Variants in DPP6 observed in about 807,000 individuals in gnomAD.
DPP6 encodes the protein dipeptidyl peptidase like 6, also known as A-type potassium channel modulatory protein DPP6.
A neutral mutation model predicts 122.6 loss-of-function variants in DPP6; 69 were observed. The observed-to-expected ratio is 0.56, with a 90% CI of 0.46 to 0.69. DPP6 has a LOEUF of 0.69. DPP6 is among the 30% of genes least tolerant of loss of function. The pLI is 0.00. For missense variants in DPP6, 928 were observed against 1,116.9 expected (o/e 0.83, Z 2.41); for synonymous variants, 418 against 433.1 (o/e 0.97, Z 0.43).
chr7:154,876,126 G>A lies in DPP6; in HGVS notation c.2078+26G>A, dbSNP rs56134336. On this transcript the variant is annotated intron_variant, in intron 20 of 25. Coordinates refer to ENST00000377770, the MANE Select transcript of DPP6 (RefSeq NM_130797.4). ...GTGAGCACCCGCCCAGGAAGCAGGA[G>A]AGGCCGGGAGGGGACGGGGCTCCTC... The A allele has an allele frequency of 2.9e-3, 4,458 of 1,546,530 alleles. 124 individuals carry two copies. The African/African-American group carries it at 0.053, about 18-fold the overall frequency.
At chr7:153,763,121 C>T in the DPP6 span, among the ~76,000 whole-genome samples, 1 of 152,096 alleles carries the variant, frequency 6.6e-6, no homozygotes, top group Non-Finnish European at 1.5e-5. Flanking sequence ...AGATCCCGCC[C>T]TCACTTTCTC....
At chr7:154,227,805 A>G (rs551689433) in intron 1 of DPP6, among the ~76,000 whole-genome samples, 1 of 152,306 alleles carries the variant, frequency 6.6e-6, no homozygotes, top group African/African-American at 2.4e-5. Context: ...TCATGATCAG[A>G]GGGTGGAAAC....
chr7:154,541,242 C>T (rs1828699571), intron 4 of DPP6, among the ~76,000 whole-genome samples: 1 of 152,118 alleles, frequency 6.6e-6, no homozygotes, highest in Admixed American at 6.5e-5. Flanking sequence ...GCAATCCTCC[C>T]ACCTCAGCCT....
intron 1 of DPP6, among the ~76,000 whole-genome samples, chr7:154,141,529 T>C (rs144645968): frequency 0.014 from 2,063 of 152,292 alleles, 45 homozygotes; most frequent in African/African-American, 0.047. Context: ...ATCAATCAAT[T>C]AATCAGTTAA....
intron 1 of DPP6, among the ~76,000 whole-genome samples, chr7:154,314,309 T>A (rs1807239559): frequency 6.6e-6 from 1 of 152,220 alleles, no homozygotes; most frequent in South Asian, 2.1e-4. Context: ...CATGGAGATT[T>A]CAAACTATTG....
intron 1 of DPP6, among the ~76,000 whole-genome samples, chr7:154,434,129 C>A (rs1307182698): frequency 6.6e-6 from 1 of 152,146 alleles, no homozygotes; most frequent in Non-Finnish European, 1.5e-5. Context: ...TAAAATAAAA[C>A]ATTAACAGTC....
At chr7:154,168,220 G>A (rs913192957) in intron 1 of DPP6, among the ~76,000 whole-genome samples, 3 of 152,120 alleles carry the variant, frequency 2.0e-5, no homozygotes, top group Non-Finnish European at 2.9e-5. Flanking sequence ...CCAGACAGAC[G>A]AGAGGGAAAA....
intron 1 of DPP6, among the ~76,000 whole-genome samples, chr7:154,141,651 A>G (rs537678928): frequency 3.5e-4 from 54 of 152,350 alleles, no homozygotes; most frequent in Non-Finnish European, 6.5e-4. Context: ...TTTAAACTTG[A>G]AGGGCAGAGG....
At chr7:154,389,021 G>T (rs1814372652) in intron 1 of DPP6, among the ~76,000 whole-genome samples, 1 of 152,168 alleles carries the variant, frequency 6.6e-6, no homozygotes, top group African/African-American at 2.4e-5. Flanking sequence ...CAGTAGACCT[G>T]CTGTAGTTTA....
chr7:154,240,776 C>T (rs370274516), intron 1 of DPP6, among the ~76,000 whole-genome samples: 20 of 152,144 alleles, frequency 1.3e-4, no homozygotes, highest in African/African-American at 2.2e-4. Flanking sequence ...CTAATGTGTA[C>T]GGTGGTAATT....
At position 154,327,244 on chromosome 7, in the gene DPP6, T is replaced by C. The variant is rs559782876; in HGVS notation, c.244-118970T>C. Among the ~76,000 whole-genome samples, 4 of 152,280 alleles carry C rather than the reference T, an allele frequency of 2.6e-5. No homozygotes were observed. In the South Asian group the frequency reaches 8.3e-4, roughly 32 times the overall value. On this transcript the variant is annotated intron_variant, in intron 1 of 25. Transcript: ENST00000377770. ...GAAGAATCATTAGTTATTAGAATTA[T>C]TAGGGTAAAAAGCCGTGTTAAGTGC...
intron 1 of DPP6, among the ~76,000 whole-genome samples, chr7:154,318,386 A>G (rs1409980656): frequency 6.6e-6 from 1 of 152,222 alleles, no homozygotes; most frequent in Non-Finnish European, 1.5e-5. Flanking sequence ...AGAGATAATG[A>G]GAGTGACCTA....
At chr7:154,537,500 A>G (rs1828353017) in intron 3 of DPP6, among the ~76,000 whole-genome samples, 1 of 152,070 alleles carries the variant, frequency 6.6e-6, no homozygotes, top group South Asian at 2.1e-4. Context: ...TAAGATTCCC[A>G]TAACCCAGGC....
chr7:154,229,396 G>A (rs1383424487), intron 1 of DPP6, among the ~76,000 whole-genome samples: 1 of 152,176 alleles, frequency 6.6e-6, no homozygotes, highest in Non-Finnish European at 1.5e-5. Flanking sequence ...GAGTGCAAGG[G>A]TTTTGGCACC....
chr7:154,301,025 G>T (rs1435410682), intron 1 of DPP6, among the ~76,000 whole-genome samples: 1 of 152,168 alleles, frequency 6.6e-6, no homozygotes. Flanking sequence ...GTGGTTTAGG[G>T]TCTAGACTGC....
intron 14 of DPP6, among the ~76,000 whole-genome samples, chr7:154,804,426 C>G (rs1225475456): frequency 6.6e-6 from 1 of 152,198 alleles, no homozygotes; most frequent in Non-Finnish European, 1.5e-5. Flanking sequence ...GAGGGGAGCC[C>G]AGTTCGGAGG....
chr7:154,787,972 C>T (rs1797441474), intron 10 of DPP6, among the ~76,000 whole-genome samples: 1 of 152,010 alleles, frequency 6.6e-6, no homozygotes, highest in East Asian at 1.9e-4. Flanking sequence ...AACTATTTGC[C>T]CAGTATTTCT....
intron 6 of DPP6, among the ~76,000 whole-genome samples, chr7:154,661,009 C>G (rs547544230): frequency 1.0e-5 from 1 of 95,646 alleles, no homozygotes; most frequent in Non-Finnish European, 2.0e-5. Flanking sequence ...ATCACCATGG[C>G]ATATTGGCGC....
At chr7:154,888,283 T>A (rs984977896) in intron 23 of DPP6, among the ~76,000 whole-genome samples, 2 of 152,112 alleles carry the variant, frequency 1.3e-5, no homozygotes, top group African/African-American at 4.8e-5. Flanking sequence ...GAGACGGGGT[T>A]TCACCGTGTT....
Sources: gnomAD v4.1 joint callset for allele counts (sites outside exome capture counted in the v4.1 genomes callset) on GRCh38, gnomAD v4.1.1 for gene constraint, MANE v1.5 for transcripts, NCBI Gene and HGNC (gene_info 2026-07-23, HGNC 2026-07-21) for gene names.